The following PRKN variants were observed in gnomAD, a reference collection of about 807,000 sequenced individuals.
PRKN encodes the protein parkin RBR E3 ubiquitin protein ligase, also known as E3 ubiquitin-protein ligase parkin.
In PRKN, 56 loss-of-function variants were observed where a neutral mutation model predicts 59.5. The observed-to-expected ratio is 0.94, with a 90% CI of 0.76 to 1.18. PRKN has a LOEUF of 1.18. Ranked by LOEUF, PRKN falls within the 50% of genes most tolerant of loss-of-function variation. PRKN has a pLI of 0.00. For missense variants in PRKN, 657 were observed against 596.4 expected, an observed-to-expected ratio of 1.10 and a Z score of -1.06; for synonymous variants, 250 against 222.1, an observed-to-expected ratio of 1.13 and a Z score of -1.12.
At chr6:161,500,092 CCTTA>C (rs1777902148) in intron 9 of PRKN, among the ~76,000 whole-genome samples, 2 of 152,124 alleles carry the variant, frequency 1.3e-5, no homozygotes. Flanking sequence ...ATCAATGCAT[CCTTA>C]CTATTATCTA....
intron 7 of PRKN, among the ~76,000 whole-genome samples, chr6:161,744,699 C>T (rs914222863): frequency 6.6e-6 from 1 of 152,220 alleles, no homozygotes; most frequent in Non-Finnish European, 1.5e-5. Flanking sequence ...ACGCTCCTAG[C>T]TTCGAGAATG....
At chr6:161,974,037 C>T (rs140901173) in intron 5 of PRKN, among the ~76,000 whole-genome samples, 1,680 of 152,284 alleles carry the variant, frequency 0.011, 24 homozygotes, top group African/African-American at 0.038. Flanking sequence ...GAGGTTGAGG[C>T]GGGCGGATCA....
At chr6:162,605,886 T>C (rs1272329587) in intron 1 of PRKN, among the ~76,000 whole-genome samples, 7 of 152,168 alleles carry the variant, frequency 4.6e-5, no homozygotes, top group Non-Finnish European at 1.0e-4. Context: ...AGTATTCATA[T>C]TTAAGCCAAC....
intron 1 of PRKN, among the ~76,000 whole-genome samples, chr6:162,505,048 G>A (rs964348232): frequency 5.3e-5 from 8 of 152,114 alleles, no homozygotes; most frequent in African/African-American, 1.2e-4. Flanking sequence ...TACTAAGGGA[G>A]AGGAAAATGC....
In PRKN at chr6:161,417,999, G is replaced by A. The variant is rs1787930256; in HGVS notation, c.1084-31122C>T. Among the ~76,000 whole-genome samples the A allele has an allele frequency of 6.6e-6, 1 of 152,202 alleles. No homozygotes were observed. The highest frequency in any genetic ancestry group is 1.5e-5 in the Non-Finnish European group (1 of 68,042). On this transcript the variant is annotated intron_variant, in intron 9 of 11. Transcript: ENST00000366898. The surrounding 1 kb of genome is among the most constrained non-coding windows in gnomAD (Gnocchi z 5.4). ...CTGGGCCTGGCCCCCAGGCCTGGCTGACTCCATGGGGGGCCTGGCAGTATC... is the reference window on the plus strand; with the variant it reads ...CTGGGCCTGGCCCCCAGGCCTGGCTAACTCCATGGGGGGCCTGGCAGTATC...
chr6:162,426,063 G>C (rs2128160945), intron 2 of PRKN, among the ~76,000 whole-genome samples: 1 of 152,266 alleles, frequency 6.6e-6, no homozygotes, highest in Non-Finnish European at 1.5e-5. Context: ...GTCTTCAAAG[G>C]ACTGCAAAAG....
intron 6 of PRKN, among the ~76,000 whole-genome samples, chr6:161,929,576 T>G (rs969712790): frequency 1.4e-5 from 2 of 138,232 alleles, no homozygotes; most frequent in Non-Finnish European, 3.0e-5. Context: ...CAGGCTGGAG[T>G]GCAGTGGCAT....
intron 5 of PRKN, among the ~76,000 whole-genome samples, chr6:162,037,266 A>G (rs1163817262): frequency 6.6e-6 from 1 of 152,218 alleles, no homozygotes; most frequent in Non-Finnish European, 1.5e-5. Flanking sequence ...AAACTTATCA[A>G]TGCAAGACTC....
intron 1 of PRKN, among the ~76,000 whole-genome samples, chr6:162,528,323 G>T (rs1214749404): frequency 7.4e-6 from 1 of 135,724 alleles, no homozygotes; most frequent in East Asian, 2.3e-4. Flanking sequence ...CGTCTCAAAA[G>T]AAAAAAAAAA....
rs1443613845 is a variant in PRKN, at chr6:161,457,185, A to AT, written c.1084-70309dup. The stretch of plus-strand genomic sequence containing the variant: ...GTTTTACCAAAGTTAAACCCATGAG[A>AT]TTTTGTAATAAAGCCAAGGCTAATA... On this transcript the variant is annotated intron_variant, in intron 9 of 11. Coordinates refer to ENST00000366898, the MANE Select transcript of PRKN (RefSeq NM_004562.3). The surrounding 1 kb of genome is among the most constrained non-coding windows in gnomAD (Gnocchi z 5.0). Among the ~76,000 whole-genome samples, 1 of 152,174 alleles carries AT rather than the reference A, an allele frequency of 6.6e-6. No individual in the cohort carries two copies. Among genetic ancestry groups the AT allele is most frequent in the Non-Finnish European group, 1.5e-5 (1 of 68,034 alleles).
intron 7 of PRKN, among the ~76,000 whole-genome samples, chr6:161,664,621 C>G (rs1784659831): frequency 6.6e-6 from 1 of 152,064 alleles, no homozygotes; most frequent in Non-Finnish European, 1.5e-5. Context: ...TATGTCAAAG[C>G]CTATATGCTG....
At chr6:161,604,457 A>G (rs919224146) in intron 7 of PRKN, among the ~76,000 whole-genome samples, 1 of 152,186 alleles carries the variant, frequency 6.6e-6, no homozygotes, top group Non-Finnish European at 1.5e-5. Flanking sequence ...TTAGCCTCCA[A>G]TCTACTCGGC....
intron 7 of PRKN, among the ~76,000 whole-genome samples, chr6:161,748,793 C>T (rs1788547500): frequency 6.6e-6 from 1 of 152,156 alleles, no homozygotes; most frequent in African/African-American, 2.4e-5. Context: ...AAGAGAATTT[C>T]CCTTATGCTT....
At chr6:161,640,956 C>T (rs1188152896) in intron 7 of PRKN, among the ~76,000 whole-genome samples, 4 of 152,210 alleles carry the variant, frequency 2.6e-5, no homozygotes, top group South Asian at 2.1e-4. Flanking sequence ...GCTGGAAAGC[C>T]GGCTCCCTGC....
intron 4 of PRKN, among the ~76,000 whole-genome samples, chr6:162,077,429 G>A (rs1183230862): frequency 1.3e-5 from 2 of 152,018 alleles, no homozygotes; most frequent in Admixed American, 6.5e-5. Context: ...GTTCAGCAAT[G>A]CATGACTGCA....
At chr6:162,469,345 G>T (rs1216909320) in intron 1 of PRKN, among the ~76,000 whole-genome samples, 1 of 140,130 alleles carries the variant, frequency 7.1e-6, no homozygotes, top group Non-Finnish European at 1.6e-5. Flanking sequence ...AAGTGGGGGG[G>T]TTGCAGGGGG....
At chr6:162,626,739 G>A (rs987808976) in intron 1 of PRKN, among the ~76,000 whole-genome samples, 4 of 151,552 alleles carry the variant, frequency 2.6e-5, no homozygotes, top group East Asian at 1.9e-4. Flanking sequence ...GCTTGAAAGC[G>A]GGAGGTGGAG....
At chr6:162,607,013 C>A (rs1002922099) in intron 1 of PRKN, among the ~76,000 whole-genome samples, 1 of 149,516 alleles carries the variant, frequency 6.7e-6, no homozygotes, top group South Asian at 2.2e-4. Flanking sequence ...GTGCCCAGCC[C>A]GGTTATTTAT....
intron 6 of PRKN, among the ~76,000 whole-genome samples, chr6:161,818,999 G>A (rs1384676704): frequency 6.6e-6 from 1 of 152,164 alleles, no homozygotes; most frequent in African/African-American, 2.4e-5. Context: ...CTGAGTGCAT[G>A]AATGTTTCAA....
Sources: gnomAD v4.1 joint callset for allele counts (sites outside exome capture counted in the v4.1 genomes callset) on GRCh38, gnomAD v4.1.1 for gene constraint, Gnocchi (gnomAD v3.1) non-coding constraint, MANE v1.5 for transcripts, NCBI Gene and HGNC (gene_info 2026-07-23, HGNC 2026-07-21) for gene names.